Variants in PTPRT observed in about 807,000 individuals in gnomAD.
PTPRT encodes protein tyrosine phosphatase receptor type T, also known as receptor-type tyrosine-protein phosphatase T.
Under a neutral mutation model 176.8 loss-of-function variants are expected in PTPRT, and 56 were observed. The ratio of observed to expected loss-of-function variants is 0.32; its 90% CI spans 0.26 to 0.40. PTPRT has a LOEUF of 0.40. PTPRT is among the 10% of genes least tolerant of loss of function. PTPRT has a pLI of 1.00. For synonymous variants in PTPRT, 783 were observed against 739.0 expected (o/e 1.06, Z -0.96); for missense variants, 1,540 against 1,908.2 (o/e 0.81, Z 3.60).
intron 12 of PTPRT, among the ~76,000 whole-genome samples, chr20:42,306,575 G>A (rs2057547044): frequency 1.3e-5 from 2 of 152,202 alleles, no homozygotes; most frequent in Admixed American, 1.3e-4. Flanking sequence ...GCTCTGCAGA[G>A]CTAATAAAAT....
chr20:42,434,137 T>G lies in PTPRT; in HGVS notation c.1560+14083A>C, dbSNP rs367773659. ...AAATGCACAAGAACTAGAAAGAAAATAAACCCACATGAAGATGGCTAGTGT... is the reference window on the plus strand; with the variant it reads ...AAATGCACAAGAACTAGAAAGAAAAGAAACCCACATGAAGATGGCTAGTGT... On this transcript the variant is annotated intron_variant, in intron 9 of 30. Coordinates refer to ENST00000373187, the MANE Select transcript of PTPRT (RefSeq NM_007050.6). Among the ~76,000 whole-genome samples, 26 of 151,844 alleles carry G rather than the reference T, an allele frequency of 1.7e-4. No individual in the cohort carries two copies. The South Asian group carries it at 5.0e-3, about 29-fold the overall frequency.
At position 43,091,212 on chromosome 20, in the gene PTPRT, G is replaced by A. The variant is rs551446651; in HGVS notation, c.88+98434C>T. 1.4e-4 allele frequency among the ~76,000 whole-genome samples: 22 copies of A among 152,090 alleles called. No homozygotes were observed. In the East Asian group the frequency reaches 1.7e-3, roughly 12 times the overall value. On this transcript the variant is annotated intron_variant, in intron 1 of 30. Transcript: ENST00000373187. ...GGCGCCACTGCACTCCAGCCTGGGC[G>A]ACGGAGATTCCATCTCAAAAAAAAA...
chr20:42,281,655 C>T (rs1292143166), intron 13 of PTPRT, among the ~76,000 whole-genome samples: 1 of 152,086 alleles, frequency 6.6e-6, no homozygotes, highest in Non-Finnish European at 1.5e-5. Context: ...TATATGCCTA[C>T]TTACGTTTAC....
chr20:42,962,837 T>G (rs988395906), intron 1 of PTPRT, among the ~76,000 whole-genome samples: 2 of 151,920 alleles, frequency 1.3e-5, no homozygotes, highest in African/African-American at 4.8e-5. Flanking sequence ...GGAGGCTAGG[T>G]GGGCGGATCA....
At chr20:42,500,980 A>T (rs2071741526) in intron 7 of PTPRT, among the ~76,000 whole-genome samples, 1 of 152,146 alleles carries the variant, frequency 6.6e-6, no homozygotes, top group African/African-American at 2.4e-5. Flanking sequence ...CTTTTAATTG[A>T]TAAATACAAG....
At chr20:43,144,796 AG>A (rs1345054053) in intron 1 of PTPRT, among the ~76,000 whole-genome samples, 1 of 152,150 alleles carries the variant, frequency 6.6e-6, no homozygotes, top group Non-Finnish European at 1.5e-5. Flanking sequence ...TAAAAAAAAA[AG>A]TGATGTTTTC....
At chr20:43,171,051 C>T (rs931959881) in intron 1 of PTPRT, among the ~76,000 whole-genome samples, 4 of 152,118 alleles carry the variant, frequency 2.6e-5, no homozygotes, top group African/African-American at 9.7e-5. Context: ...TATAGTAATG[C>T]AATTTCACAG....
At chr20:42,414,080 C>A (rs754700040) in intron 9 of PTPRT, among the ~76,000 whole-genome samples, 5 of 152,160 alleles carry the variant, frequency 3.3e-5, no homozygotes, top group Admixed American at 6.5e-5. Context: ...GATCAGCCCG[C>A]CTCCGCTTCC....
chr20:42,052,245 G>T, the PTPRT span, among the ~76,000 whole-genome samples: 1 of 152,164 alleles, frequency 6.6e-6, no homozygotes, highest in East Asian at 1.9e-4. Flanking sequence ...TGCTCTGAGG[G>T]CACTCTGCTG....
chr20:42,860,934 A>G (rs1209824121), intron 2 of PTPRT, among the ~76,000 whole-genome samples: 3 of 152,248 alleles, frequency 2.0e-5, no homozygotes, highest in Non-Finnish European at 2.9e-5. Context: ...AGTTTGGAAT[A>G]GACAGGCTCC....
chr20:42,289,073 T>C (rs1305007801), intron 12 of PTPRT, among the ~76,000 whole-genome samples: 3 of 152,020 alleles, frequency 2.0e-5, no homozygotes, highest in Non-Finnish European at 4.4e-5. Flanking sequence ...CAGGTAACCA[T>C]ATGCAGAAGA....
intron 1 of PTPRT, among the ~76,000 whole-genome samples, chr20:43,124,454 G>A (rs1364269814): frequency 6.6e-6 from 1 of 152,158 alleles, no homozygotes; most frequent in Non-Finnish European, 1.5e-5. Context: ...ACCAAGGCCA[G>A]GAAATAATCC....
intron 27 of PTPRT, among the ~76,000 whole-genome samples, chr20:42,087,045 A>G (rs1410289372): frequency 6.6e-6 from 1 of 151,272 alleles, no homozygotes; most frequent in Non-Finnish European, 1.5e-5. Context: ...CCCAGAGGGC[A>G]TCTGGGCAAT....
At chr20:42,298,661 G>A (rs190032697) in intron 12 of PTPRT, among the ~76,000 whole-genome samples, 166 of 152,234 alleles carry the variant, frequency 1.1e-3, no homozygotes, top group African/African-American at 3.8e-3. Flanking sequence ...GGTGGCTCAC[G>A]CCTGTAATCC....
chr20:42,911,626 A>G (rs146026157), intron 1 of PTPRT, among the ~76,000 whole-genome samples: 13 of 152,296 alleles, frequency 8.5e-5, no homozygotes, highest in African/African-American at 2.9e-4. Context: ...GTATGCATGC[A>G]TATGTCAGGT....
rs190005363 is a variant in PTPRT at position 42,455,198 on chromosome 20, A to G, written c.1451-6869T>C. 1.1e-4 allele frequency among the ~76,000 whole-genome samples: 16 copies of G among 152,372 alleles called. No homozygotes were observed. The East Asian group carries it at 2.5e-3, about 24-fold the overall frequency. Reference sequence around the variant, plus strand: ...AAAAGTGAAATTGAAAAAGCAAAAAAGAAAAATACTAAGCTCCTTCTTTTT... The same window carrying G: ...AAAAGTGAAATTGAAAAAGCAAAAAGGAAAAATACTAAGCTCCTTCTTTTT... On this transcript the variant is annotated intron_variant, in intron 8 of 30. Transcript: ENST00000373187.
chr20:42,170,159 C>A (rs1302514240), intron 16 of PTPRT, among the ~76,000 whole-genome samples: 1 of 152,130 alleles, frequency 6.6e-6, no homozygotes, highest in East Asian at 1.9e-4. Context: ...TGCCCTCATG[C>A]CAAGATAAGA....
intron 1 of PTPRT, among the ~76,000 whole-genome samples, chr20:42,981,155 T>C (rs1342616184): frequency 6.6e-6 from 1 of 152,246 alleles, no homozygotes; most frequent in African/African-American, 2.4e-5. Flanking sequence ...GAATAATATC[T>C]TCCTTGCCTG....
chr20:42,859,022 C>T (rs1446362186), intron 2 of PTPRT, among the ~76,000 whole-genome samples: 1 of 152,186 alleles, frequency 6.6e-6, no homozygotes, highest in Non-Finnish European at 1.5e-5. Context: ...AGGTTTAGGG[C>T]TCTTACTCTC....
Sources: allele counts gnomAD v4.1 joint callset (sites outside exome capture counted in the v4.1 genomes callset), GRCh38; gene constraint gnomAD v4.1.1; transcripts MANE v1.5; gene names NCBI Gene and HGNC (gene_info 2026-07-23, HGNC 2026-07-21).